The following SRRM3 variants were observed in gnomAD, a reference collection of about 807,000 sequenced individuals.
SRRM3 encodes the protein serine/arginine repetitive matrix protein 3.
In SRRM3, 27 loss-of-function variants were observed where a neutral mutation model predicts 66.2. That is an observed-to-expected ratio of 0.41 (90% CI 0.30 to 0.56). The LOEUF (loss-of-function observed/expected upper bound fraction) is 0.56. SRRM3 is among the 20% of genes least tolerant of loss of function. The probability of loss-of-function intolerance (pLI) is 0.32; values close to 1 mark genes in which losing one functional copy is unlikely to be tolerated. For missense variants in SRRM3, 918 were observed against 991.9 expected (o/e 0.93, Z 1.00); for synonymous variants, 391 against 414.9 (o/e 0.94, Z 0.70).
intron 1 of SRRM3, among the ~76,000 whole-genome samples, chr7:76,214,512 A>C (rs1171475204): frequency 1.3e-5 from 2 of 152,128 alleles, no homozygotes; most frequent in Non-Finnish European, 2.9e-5. Flanking sequence ...GAAGTGTGTG[A>C]CTGGTGCCGG....
intron 2 of SRRM3, among the ~76,000 whole-genome samples, chr7:76,236,694 C>T (rs140832262): frequency 1.3e-5 from 2 of 152,338 alleles, no homozygotes; most frequent in Middle Eastern, 3.4e-3. Flanking sequence ...GGCAAGGCTG[C>T]TTGTAGGGAG....
intron 8 of SRRM3, among the ~76,000 whole-genome samples, chr7:76,262,696 A>G (rs1801912861): frequency 6.6e-6 from 1 of 151,932 alleles, no homozygotes; most frequent in Non-Finnish European, 1.5e-5. Context: ...GGTGCCTGTA[A>G]TCCCAGCTAC....
At chr7:76,266,051 G>T (rs1355373234) in intron 10 of SRRM3, among the ~76,000 whole-genome samples, 1 of 78,292 alleles carries the variant, frequency 1.3e-5, no homozygotes, top group South Asian at 3.3e-4. Flanking sequence ...TGTATTTTTA[G>T]TAGAGACGGG....
chr7:76,245,757 G>A (rs975834026), intron 2 of SRRM3, among the ~76,000 whole-genome samples: 4 of 152,118 alleles, frequency 2.6e-5, no homozygotes, highest in African/African-American at 4.8e-5. Flanking sequence ...GTGCAGGGGC[G>A]CAATCTCAGC....
At chr7:76,230,789 C>T (rs1800995177) in intron 1 of SRRM3, among the ~76,000 whole-genome samples, 1 of 150,124 alleles carries the variant, frequency 6.7e-6, no homozygotes, top group Non-Finnish European at 1.5e-5. Flanking sequence ...CTCACTCTGT[C>T]GCCCAGGCTG....
At chr7:76,283,125 G>A in intron 14 of SRRM3, 24 bp downstream of exon 14, 5 of 1,393,918 alleles carry the variant, frequency 3.6e-6, no homozygotes, top group Non-Finnish European at 4.6e-6. Context: ...TGGGGGGGCC[G>A]GTGGCGCAGG....
intron 3 of SRRM3, among the ~76,000 whole-genome samples, chr7:76,255,369 G>T (rs528367352): frequency 6.6e-6 from 1 of 151,864 alleles, no homozygotes; most frequent in East Asian, 1.9e-4. Context: ...GGCTGGTCTC[G>T]AACTCCCGAC....
chr7:76,245,749 G>A (rs1373127703), intron 2 of SRRM3, among the ~76,000 whole-genome samples: 1 of 152,230 alleles, frequency 6.6e-6, no homozygotes, highest in African/African-American at 2.4e-5. Context: ...AGGCTGGAGT[G>A]CAGGGGCGCA....
chr7:76,238,114 A>T (rs560923874), intron 2 of SRRM3, among the ~76,000 whole-genome samples: 1 of 152,280 alleles, frequency 6.6e-6, no homozygotes. Context: ...TGATCATGGC[A>T]GGGACAGGCA....
chr7:76,235,282 G>T lies in SRRM3; in HGVS notation c.216G>T (p.Glu72Asp). 6.5e-7 allele frequency: 1 copy of T among 1,527,782 alleles called. No individual in the cohort carries two copies. Among genetic ancestry groups the T allele is most frequent in the Admixed American group, 2.0e-5 (1 of 50,186 alleles). 94.6% of individuals were successfully genotyped at this position (1,527,782 alleles called of 1,614,324 possible). Residue 72 changes from glutamate to aspartate, a missense_variant, in exon 2 of 15, where the codon GAG becomes GAT. Coordinates refer to ENST00000611745, the MANE Select transcript of SRRM3 (RefSeq NM_001110199.3). ...AGCTCAAGTGCATGGAGCTGCAGGA[G>T]ATGATGGAGGAGCAGGGGTGAGCAG... ...RVELKCMELQ[E>D]MMEEQGYSEE...
intron 3 of SRRM3, among the ~76,000 whole-genome samples, chr7:76,257,213 T>C (rs1315162902): frequency 1.3e-5 from 2 of 152,004 alleles, no homozygotes; most frequent in Non-Finnish European, 2.9e-5. Context: ...CCAAAACTCA[T>C]GTTCTTAATG....
At chr7:76,251,596 G>A (rs1326598835) in intron 3 of SRRM3, among the ~76,000 whole-genome samples, 1 of 151,810 alleles carries the variant, frequency 6.6e-6, no homozygotes, top group African/African-American at 2.4e-5. Flanking sequence ...GGATGGTCCC[G>A]ATCTCCTGAC....
chr7:76,261,506 C>A (rs1056528108), intron 7 of SRRM3, 40 bp from the exon 8 acceptor site: 9 of 1,607,076 alleles, frequency 5.6e-6, no homozygotes, highest in Non-Finnish European at 7.6e-6. Flanking sequence ...CCCTGGGCCA[C>A]CCCAGGCAGG....
At chr7:76,255,023 C>T (rs575119070) in intron 3 of SRRM3, among the ~76,000 whole-genome samples, 3 of 152,218 alleles carry the variant, frequency 2.0e-5, no homozygotes, top group South Asian at 4.1e-4. Context: ...CAAGGCATCA[C>T]CCAGCTTGGG....
intron 11 of SRRM3, among the ~76,000 whole-genome samples, chr7:76,270,542 T>C (rs1198158574): frequency 1.3e-5 from 2 of 151,898 alleles, no homozygotes; most frequent in African/African-American, 4.8e-5. Context: ...CTGGCCATGG[T>C]GGCTCACACC....
At chr7:76,221,789 T>C (rs1800728606) in intron 1 of SRRM3, among the ~76,000 whole-genome samples, 1 of 152,192 alleles carries the variant, frequency 6.6e-6, no homozygotes, top group African/African-American at 2.4e-5. Flanking sequence ...ACCTGATCTG[T>C]TCTGATTTAT....
rs1801488592 is a variant in SRRM3 at position 76,248,197 on chromosome 7, G to A, written c.243G>A (p.Glu81=). The A allele has an allele frequency of 6.2e-7, 1 of 1,613,146 alleles. No individual in the cohort carries two copies. Among genetic ancestry groups the A allele is most frequent in the African/African-American group, 1.3e-5 (1 of 74,930 alleles). The part of the protein sequence containing the change: ...QEMMEEQGYS[E]EEIRQKVGTF... ...CTCTGTGCCCCTGCAGGTATTCGGA[G>A]GAGGAGATTCGGCAGAAAGTGGGGA... Residue 81 remains glutamate, a synonymous_variant, in exon 3 of 15, where the codon GAG becomes GAA. Transcript: ENST00000611745.
chr7:76,208,381 C>A (rs563493388), intron 1 of SRRM3, among the ~76,000 whole-genome samples: 1 of 151,704 alleles, frequency 6.6e-6, no homozygotes, highest in African/African-American at 2.4e-5. Context: ...TTGGAAAGCA[C>A]CCCGGAGCCA....
intron 3 of SRRM3, among the ~76,000 whole-genome samples, chr7:76,249,818 G>A (rs573128634): frequency 5.9e-5 from 9 of 152,072 alleles, no homozygotes; most frequent in African/African-American, 1.9e-4. Flanking sequence ...AAGCTGAGGC[G>A]GGAGAATCAC....
Sources: gnomAD v4.1 joint callset for allele counts (sites outside exome capture counted in the v4.1 genomes callset) on GRCh38, gnomAD v4.1.1 for gene constraint, MANE v1.5 for transcripts, NCBI Gene and HGNC (gene_info 2026-07-23, HGNC 2026-07-21) for gene names.